Variants in DNAH17 observed in about 807,000 individuals in gnomAD.
DNAH17 encodes the protein axonemal beta dynein heavy chain 17.
DNAH17 carries 376 observed loss-of-function variants against 485.6 expected under a neutral mutation model. That is an observed-to-expected ratio of 0.77 (90% confidence interval 0.71 to 0.84). DNAH17 has a LOEUF of 0.84. DNAH17 is among the 40% of genes least tolerant of loss of function. The probability of loss-of-function intolerance (pLI) is 0.00; values close to 1 mark genes in which losing one functional copy is unlikely to be tolerated. For synonymous variants in DNAH17, 3,031 were observed against 2,405.9 expected (o/e 1.26, Z -7.60); for missense variants, 6,370 against 5,839.3 (o/e 1.09, Z -2.96).
intron 44 of DNAH17, chr17:78,489,661 G>A (rs1260776997): frequency 6.6e-6 from 1 of 152,212 alleles, no homozygotes; most frequent in Non-Finnish European, 1.5e-5. Flanking sequence ...TGTTCCACCT[G>A]TGAATCCCTC....
intron 57 of DNAH17, among the ~76,000 whole-genome samples, chr17:78,462,011 T>C (rs1015066502): frequency 6.6e-6 from 1 of 151,592 alleles, no homozygotes; most frequent in African/African-American, 2.4e-5. Context: ...TCTGTATAAA[T>C]AATAAAAAAA....
chr17:78,529,424 T>C, intron 22 of DNAH17, 48 bp downstream of exon 22: 1 of 1,593,062 alleles, frequency 6.3e-7, no homozygotes, highest in East Asian at 2.2e-5. Context: ...GCGGCCGGGA[T>C]GGCTCTCCCT....
intron 54 of DNAH17, among the ~76,000 whole-genome samples, chr17:78,470,418 G>A (rs8064478): frequency 0.18 from 27,826 of 150,886 alleles, 2,701 homozygotes; most frequent in African/African-American, 0.22. Context: ...GGCCGGGCAC[G>A]GTGGCTCACA....
At position 78,473,919 on chromosome 17, in the gene DNAH17, GAC is replaced by G. The variant is rs565714729; in HGVS notation, c.8511+1357_8511+1358del. On this transcript the variant is annotated intron_variant, in intron 54 of 80. Coordinates refer to ENST00000389840, the MANE Select transcript of DNAH17 (RefSeq NM_173628.4). ...TCCATCAGATGCGCTGAGAACCCAT[GAC>G]ACACTACCGCTCATGGGTCCAGAGG... Among the ~76,000 whole-genome samples, 5 of 152,330 alleles carry G rather than the reference GAC, an allele frequency of 3.3e-5. No individual in the cohort carries two copies. In the South Asian group the frequency reaches 8.3e-4, roughly 25 times the overall value.
In DNAH17 at chr17:78,434,240, G is replaced by A. The variant is rs773389554; in HGVS notation, c.12034-20C>T. 8 of 1,592,626 alleles carry A rather than the reference G, an allele frequency of 5.0e-6. No individual in the cohort carries two copies. The highest frequency in any genetic ancestry group is 6.0e-6 in the Non-Finnish European group (7 of 1,164,966). ...GGTGTCCTGTGGGGCACACGCTCCGGTCAGGTATTAGGGAGAGGGAGAAGT... is the reference window on the plus strand; with the variant it reads ...GGTGTCCTGTGGGGCACACGCTCCGATCAGGTATTAGGGAGAGGGAGAAGT... On this transcript the variant is annotated intron_variant, in intron 74 of 80. Transcript: ENST00000389840.
At chr17:78,495,844 G>A (rs753880529) in intron 38 of DNAH17, 31 bp downstream of exon 38, 9 of 1,600,778 alleles carry the variant, frequency 5.6e-6, no homozygotes, top group Non-Finnish European at 6.8e-6. Context: ...CTGGCTCACT[G>A]CAGCCACTCA....
intron 55 of DNAH17, among the ~76,000 whole-genome samples, chr17:78,468,354 C>T (rs692300): frequency 4.0e-5 from 6 of 151,866 alleles, no homozygotes; most frequent in Admixed American, 1.3e-4. Context: ...GTATCCATGG[C>T]GGTCCTGGAA....
At chr17:78,484,751 G>GC (rs1487937056) in intron 48 of DNAH17, 117 bp downstream of exon 48, 2 of 138,578 alleles carry the variant, frequency 1.4e-5, no homozygotes, top group Admixed American at 1.9e-4. Flanking sequence ...CCCCCCCACC[G>GC]CCCCACACCA....
Position 78,450,798 on chromosome 17 carries a change from G to A in DNAH17, c.10783C>T (p.Leu3595=). The A allele has an allele frequency of 2.5e-6, 4 of 1,614,056 alleles. No individual in the cohort carries two copies. The highest frequency in any genetic ancestry group is 2.7e-5 in the African/African-American group (2 of 75,062). Residue 3595 remains leucine, a synonymous_variant, in exon 67 of 81, where the codon CTG becomes TTG. Coordinates refer to ENST00000389840, the MANE Select transcript of DNAH17 (RefSeq NM_173628.4). ...QNEFKIVLKE[L]EDSLLARLSA... is the part of the protein sequence containing the mutation. ...AGACGGGCCAGGAGCGAATCTTCCA[G>A]CTCTTTCAGAACAATCTTAAATTCG...
At position 78,567,711 on chromosome 17, in the gene DNAH17, C is replaced by T. The variant is rs143316377; in HGVS notation, c.1285-545G>A. Among the ~76,000 whole-genome samples the T allele has an allele frequency of 9.8e-3, 1,492 of 152,224 alleles. 30 individuals carry two copies. Among genetic ancestry groups the T allele is most frequent in the African/African-American group, 0.034 (1,430 of 41,506 alleles). ...CCGGTGTGGCTCATGCCCCCTCTCCCTGAAGCGCTCCCTGACTATTTTGGC... is the reference window on the plus strand; with the variant it reads ...CCGGTGTGGCTCATGCCCCCTCTCCTTGAAGCGCTCCCTGACTATTTTGGC... On this transcript the variant is annotated intron_variant, in intron 9 of 80. Transcript: ENST00000389840.
chr17:78,470,776 A>C (rs932116668), intron 54 of DNAH17, among the ~76,000 whole-genome samples: 2 of 152,212 alleles, frequency 1.3e-5, no homozygotes, highest in African/African-American at 4.8e-5. Flanking sequence ...AAAAAATCTT[A>C]AATGGAGACC....
At chr17:78,500,923 C>T (rs1157555542) in intron 35 of DNAH17, 1 of 346,528 alleles carries the variant, frequency 2.9e-6, no homozygotes, top group East Asian at 4.9e-5. Context: ...GCTACGACAA[C>T]CAGAGTCTGC....
intron 75 of DNAH17, among the ~76,000 whole-genome samples, chr17:78,432,976 C>G (rs114584196): frequency 2.0e-5 from 3 of 151,334 alleles, no homozygotes; most frequent in Admixed American, 2.0e-4. Context: ...TCCTCCAACC[C>G]CGAGGCCCCA....
chr17:78,425,756 C>CTTTTTTTTTTTTTTTTTTT lies in DNAH17; in HGVS notation c.12916-204_12916-186dup, dbSNP rs71160294. ...TACCATGACGCAACTTTGGTGTCTG[C>CTTTTTTTTTTTTTTTTTTT]TTTTTTTTTTTTTTTTTTTTTTTTT... On this transcript the variant is annotated intron_variant, in intron 79 of 80. Transcript: ENST00000389840. Among the ~76,000 whole-genome samples the CTTTTTTTTTTTTTTTTTTT allele has an allele frequency of 1.1e-4, 13 of 120,744 alleles. 1 individual carries two copies. The highest frequency in any genetic ancestry group is 4.6e-3 in the Middle Eastern group (1 of 218). 79.2% of individuals were successfully genotyped at this position (120,744 alleles called of 152,430 possible).
chr17:78,503,921 G>T (rs530007034), intron 31 of DNAH17, among the ~76,000 whole-genome samples: 1 of 151,636 alleles, frequency 6.6e-6, no homozygotes, highest in African/African-American at 2.4e-5. Context: ...AGCCAAGATC[G>T]TGCCATTGCA....
intron 80 of DNAH17, 195 bp downstream of exon 80, chr17:78,425,151 T>G: frequency 5.1e-6 from 3 of 588,172 alleles, no homozygotes; most frequent in South Asian, 2.1e-5. Flanking sequence ...CCCTGCACAT[T>G]CCCTGAATCC....
At chr17:78,552,989 T>C (rs1225740866) in intron 14 of DNAH17, among the ~76,000 whole-genome samples, 184 bp from the exon 15 acceptor site, 1 of 152,178 alleles carries the variant, frequency 6.6e-6, no homozygotes, top group Non-Finnish European at 1.5e-5. Context: ...GACTGGATCA[T>C]GGGGACAATG....
intron 54 of DNAH17, 111 bp from the exon 55 acceptor site, chr17:78,468,994 C>CAAA: frequency 2.2e-6 from 3 of 1,355,630 alleles, no homozygotes; most frequent in South Asian, 1.5e-5. Context: ...GACGGAGTCT[C>CAAA]GCTCTGTCGC....
intron 54 of DNAH17, chr17:78,472,681 G>C (rs2088819657): frequency 1.1e-5 from 5 of 450,892 alleles, no homozygotes; most frequent in South Asian, 7.8e-5. Context: ...TCGGATCCTG[G>C]ACCCCAGCCG....
Sources: gnomAD v4.1 joint callset for allele counts (sites outside exome capture counted in the v4.1 genomes callset) on GRCh38, gnomAD v4.1.1 for gene constraint, MANE v1.5 for transcripts, NCBI Gene and HGNC (gene_info 2026-07-23, HGNC 2026-07-21) for gene names.